Variants in SLC35F4 observed in about 807,000 individuals in gnomAD.
SLC35F4 encodes the protein solute carrier family 35 member F4.
In SLC35F4, 24 loss-of-function variants were observed where a neutral mutation model predicts 44.2. The observed-to-expected ratio is 0.54, with a 90% CI of 0.39 to 0.76. The LOEUF (loss-of-function observed/expected upper bound fraction) is 0.76, where lower values mean the gene tolerates loss of function less well. Ranked by LOEUF, SLC35F4 falls within the 30% of genes least tolerant of loss-of-function variation. The probability of loss-of-function intolerance (pLI) is 0.00; values close to 1 mark genes in which losing one functional copy is unlikely to be tolerated. For missense variants in SLC35F4, 562 were observed against 586.1 expected (o/e 0.96, Z 0.42); for synonymous variants, 238 against 223.6 (o/e 1.06, Z -0.57).
chr14:57,582,215 C>T (rs2139820792), intron 3 of SLC35F4, among the ~76,000 whole-genome samples: 1 of 151,644 alleles, frequency 6.6e-6, no homozygotes, highest in South Asian at 2.1e-4. Flanking sequence ...TTTTTTTTTC[C>T]CCCTAGGTCT....
At chr14:57,845,636 G>A (rs777573483) in intron 1 of SLC35F4, among the ~76,000 whole-genome samples, 1 of 152,184 alleles carries the variant, frequency 6.6e-6, no homozygotes, top group African/African-American at 2.4e-5. Flanking sequence ...TTTAGCATAA[G>A]CTGAGATTCT....
rs201252310 is a variant in SLC35F4 at position 57,765,146 on chromosome 14, TG to T, written c.103+100576del. On this transcript the variant is annotated intron_variant, in intron 1 of 7. Coordinates refer to ENST00000556826, the MANE Select transcript of SLC35F4 (RefSeq NM_001306087.2). ...GAGCACACAACTTACTTTCCACACATGGTTTTATTCAAGATAGGAAAATACA... is the reference window on the plus strand; with the variant it reads ...GAGCACACAACTTACTTTCCACACATGTTTTATTCAAGATAGGAAAATACA... Among the ~76,000 whole-genome samples, 56 of 152,326 alleles carry T rather than the reference TG, an allele frequency of 3.7e-4. No homozygotes were observed. In the East Asian group the frequency reaches 0.01, roughly 27 times the overall value.
chr14:57,873,959 C>T (rs976409250), intron 1 of SLC35F4, among the ~76,000 whole-genome samples: 2 of 152,122 alleles, frequency 1.3e-5, no homozygotes, highest in Non-Finnish European at 2.9e-5. Context: ...TAAAACAGGG[C>T]TCCATGACAA....
chr14:57,708,848 T>A (rs1328853705), intron 1 of SLC35F4, among the ~76,000 whole-genome samples: 1 of 152,068 alleles, frequency 6.6e-6, no homozygotes, highest in Non-Finnish European at 1.5e-5. Context: ...GGTAAGGTCA[T>A]GTGGGTCACG....
chr14:57,578,438 T>A (rs986791060), intron 4 of SLC35F4, among the ~76,000 whole-genome samples: 1 of 147,834 alleles, frequency 6.8e-6, no homozygotes, highest in Non-Finnish European at 1.5e-5. Context: ...AAGAGCTACA[T>A]TTATGTTGTC....
intron 1 of SLC35F4, among the ~76,000 whole-genome samples, chr14:57,755,528 T>C (rs184932400): frequency 1.3e-5 from 2 of 152,332 alleles, no homozygotes; most frequent in Admixed American, 6.5e-5. Context: ...AAAAATAATA[T>C]AATTAAATTT....
At chr14:57,584,643 T>TAGGTAGAGTGCTA (rs980796493) in intron 3 of SLC35F4, among the ~76,000 whole-genome samples, 3 of 152,288 alleles carry the variant, frequency 2.0e-5, no homozygotes, top group African/African-American at 7.2e-5. Context: ...ACATGCACTA[T>TAGGTAGAGTGCTA]AGGTAGAGTG....
intron 1 of SLC35F4, among the ~76,000 whole-genome samples, chr14:57,629,132 C>T (rs1011425777): frequency 6.6e-6 from 1 of 152,114 alleles, no homozygotes; most frequent in Non-Finnish European, 1.5e-5. Context: ...GTTCTCAGTG[C>T]TTCCTCTGAC....
chr14:57,846,155 T>A (rs965119988), intron 1 of SLC35F4, among the ~76,000 whole-genome samples: 1 of 152,110 alleles, frequency 6.6e-6, no homozygotes, highest in African/African-American at 2.4e-5. Flanking sequence ...AATCAGATAA[T>A]CTGCCTCAAC....
At chr14:57,776,865 C>CA (rs1045732580) in intron 1 of SLC35F4, among the ~76,000 whole-genome samples, 1 of 152,046 alleles carries the variant, frequency 6.6e-6, no homozygotes, top group Admixed American at 6.5e-5. Context: ...GCTTTGGAAA[C>CA]ACAGGAGAAA....
chr14:57,675,227 A>T (rs1450124635), intron 1 of SLC35F4, among the ~76,000 whole-genome samples: 1 of 152,102 alleles, frequency 6.6e-6, no homozygotes, highest in Non-Finnish European at 1.5e-5. Context: ...TACACTTAAA[A>T]TATGTGCATT....
At chr14:57,639,038 T>G (rs1481486609) in intron 1 of SLC35F4, among the ~76,000 whole-genome samples, 2 of 152,140 alleles carry the variant, frequency 1.3e-5, no homozygotes, top group African/African-American at 4.8e-5. Context: ...GTGCCCAATT[T>G]GACTTAGGAG....
chr14:57,869,995 C>G (rs1259324372), upstream of SLC35F4, among the ~76,000 whole-genome samples: 1 of 152,162 alleles, frequency 6.6e-6, no homozygotes, highest in Non-Finnish European at 1.5e-5. Context: ...TCTTCATTGG[C>G]CTCAGGTGCC....
rs922384544 is a variant in SLC35F4, at chr14:57,633,657, C to T, written c.104-39533G>A. Among the ~76,000 whole-genome samples the T allele has an allele frequency of 8.5e-5, 13 of 152,178 alleles. 1 individual carries two copies. The East Asian group carries it at 2.5e-3, about 30-fold the overall frequency. ...AAGATATAGAACAGTTTCATCACCC[C>T]CAAACTCTCTCACGCTTTCCCTTTT... On this transcript the variant is annotated intron_variant, in intron 1 of 7. Transcript: ENST00000556826.
rs200791021 is a variant in SLC35F4 at position 57,946,465 on chromosome 14, T to TTTTC, written n.282+35444_282+35447dup. On this transcript the variant is annotated intron_variant and non_coding_transcript_variant, in intron 1 of 1. Transcript: ENST00000556568. ...TTTGTCTTTGTTTTGTTTTGTTTTC[T>TTTTC]TTTCTTTTTTTTTTTTTTTTTTTTT... Among the ~76,000 whole-genome samples, 22 of 134,682 alleles carry TTTTC rather than the reference T, an allele frequency of 1.6e-4. 1 individual carries two copies. In the East Asian group the frequency reaches 3.5e-3, roughly 22 times the overall value. 88.4% of individuals were successfully genotyped at this position (134,682 alleles called of 152,430 possible). A position where few individuals can be genotyped will look rare whatever the true frequency, so the allele number is the denominator to read the frequency against.
At chr14:57,868,092 ATCAT>A (rs1312861248), upstream of SLC35F4, among the ~76,000 whole-genome samples, 1 of 152,350 alleles carries the variant, frequency 6.6e-6, no homozygotes, top group African/African-American at 2.4e-5. Flanking sequence ...ACTGGATCTG[ATCAT>A]TCATATAAAC....
intron 7 of SLC35F4, among the ~76,000 whole-genome samples, chr14:57,564,925 A>G (rs1348838935): frequency 6.6e-6 from 1 of 152,168 alleles, no homozygotes; most frequent in Non-Finnish European, 1.5e-5. Flanking sequence ...AGCCCTTAGC[A>G]ACCACCAATC....
intron 1 of SLC35F4, among the ~76,000 whole-genome samples, chr14:57,674,967 G>T (rs947574269): frequency 3.3e-5 from 5 of 152,120 alleles, no homozygotes; most frequent in African/African-American, 1.2e-4. Context: ...AAAAGAGTCT[G>T]GAACAAAGGC....
chr14:57,663,395 T>C (rs2074201907), intron 1 of SLC35F4, among the ~76,000 whole-genome samples: 1 of 152,192 alleles, frequency 6.6e-6, no homozygotes, highest in Non-Finnish European at 1.5e-5. Flanking sequence ...TTCAGATTGT[T>C]CAGGAGAGGG....
Sources: gnomAD v4.1 joint callset for allele counts (sites outside exome capture counted in the v4.1 genomes callset) on GRCh38, gnomAD v4.1.1 for gene constraint, MANE v1.5 for transcripts, NCBI Gene and HGNC (gene_info 2026-07-23, HGNC 2026-07-21) for gene names.